Variants in PEPD observed in about 807,000 individuals in gnomAD.
PEPD encodes the protein xaa-Pro dipeptidase.
PEPD carries 53 observed loss-of-function variants against 60.7 expected under a neutral mutation model. The observed-to-expected ratio is 0.87, with a 90% CI of 0.70 to 1.10. The LOEUF is 1.10. Among genes scored for constraint, PEPD ranks in the 50% least tolerant of loss-of-function variants. PEPD has a pLI of 0.00. For missense variants in PEPD, 711 were observed against 711.9 expected (o/e 1.00, Z 0.01); for synonymous variants, 267 against 284.1 (o/e 0.94, Z 0.60).
chr19:33,484,415 G>C (rs1343129044), intron 6 of PEPD, among the ~76,000 whole-genome samples: 2 of 152,160 alleles, frequency 1.3e-5, no homozygotes, highest in Non-Finnish European at 2.9e-5. Context: ...CCAGCACAGA[G>C]TGACTCAGCA....
chr19:33,472,861 G>A (rs1426926935), intron 7 of PEPD, among the ~76,000 whole-genome samples: 2 of 152,108 alleles, frequency 1.3e-5, no homozygotes, highest in Non-Finnish European at 2.9e-5. Flanking sequence ...CACTGAACCC[G>A]CAACAACTAT....
chr19:33,492,708 C>T (rs1337136547), intron 5 of PEPD, among the ~76,000 whole-genome samples: 2 of 152,152 alleles, frequency 1.3e-5, no homozygotes, highest in African/African-American at 4.8e-5. Flanking sequence ...CAGCCTGACA[C>T]AAATACATCT....
At chr19:33,428,194 G>A (rs867085999) in intron 9 of PEPD, among the ~76,000 whole-genome samples, 4 of 152,148 alleles carry the variant, frequency 2.6e-5, no homozygotes, top group Admixed American at 6.5e-5. Context: ...TAGAAAATTC[G>A]CACAGTGCCA....
intron 13 of PEPD, 191 bp from the exon 14 acceptor site, chr19:33,388,272 C>A: frequency 1.4e-6 from 1 of 697,890 alleles, no homozygotes; most frequent in Non-Finnish European, 2.6e-6. Flanking sequence ...CCTGCACATA[C>A]CCCTGGATCT....
chr19:33,391,216 A>G (rs1968209638), intron 13 of PEPD, 79 bp downstream of exon 13: 8 of 1,178,308 alleles, frequency 6.8e-6, no homozygotes, highest in Non-Finnish European at 1.0e-5. Flanking sequence ...GCTGCCTCCT[A>G]GAGTCCCACC....
Position 33,457,844 on chromosome 19 carries a change from A to G in PEPD, c.671+5151T>C, listed in dbSNP as rs141601497. Reference sequence around the variant, plus strand: ...TTTCTAGTCTTAAAACAAGAAAACAAACAAACAAGCAAACAAAAAGAGAAA... The same window carrying G: ...TTTCTAGTCTTAAAACAAGAAAACAGACAAACAAGCAAACAAAAAGAGAAA... On this transcript the variant is annotated intron_variant, in intron 9 of 14. Transcript: ENST00000244137. 6.6e-3 allele frequency among the ~76,000 whole-genome samples: 862 copies of G among 130,064 alleles called. 9 individuals carry two copies. The highest frequency in any genetic ancestry group is 0.026 in the African/African-American group (822 of 31,636). The allele number at this position is 130,064 out of a possible 152,430, so 85.3% of individuals were successfully genotyped here.
At position 33,433,346 on chromosome 19, in the gene PEPD, A is replaced by G. The variant is rs186002005; in HGVS notation, c.672-19703T>C. ...TTCTCCCTGCCAAGGGGGCACGCCC[A>G]CTCCACAAACACACAAGGTACACCA... is the stretch of plus-strand genomic sequence containing the variant. On this transcript the variant is annotated intron_variant, in intron 9 of 14. Transcript: ENST00000244137. 3.1e-3 allele frequency among the ~76,000 whole-genome samples: 470 copies of G among 152,266 alleles called. 3 individuals carry two copies. Among genetic ancestry groups the G allele is most frequent in the African/African-American group, 9.9e-3 (412 of 41,560 alleles).
intron 9 of PEPD, among the ~76,000 whole-genome samples, chr19:33,458,118 G>A (rs1969844088): frequency 6.6e-6 from 1 of 152,012 alleles, no homozygotes; most frequent in Non-Finnish European, 1.5e-5. Context: ...TGTGTGTGGT[G>A]TGTAGCATAT....
At chr19:33,391,017 CTG>C (rs1471638370) in intron 13 of PEPD, among the ~76,000 whole-genome samples, 1 of 152,152 alleles carries the variant, frequency 6.6e-6, no homozygotes, top group African/African-American at 2.4e-5. Flanking sequence ...CGTATCCTGA[CTG>C]TGTGCCACCT....
intron 11 of PEPD, among the ~76,000 whole-genome samples, chr19:33,409,609 A>C (rs117602592): frequency 6.6e-6 from 1 of 152,192 alleles, no homozygotes; most frequent in Non-Finnish European, 1.5e-5. Flanking sequence ...TAGGAGTTTG[A>C]GGCTGCAGTG....
chr19:33,413,402 A>G (rs1437646750), intron 10 of PEPD, among the ~76,000 whole-genome samples, 173 bp downstream of exon 10: 1 of 152,132 alleles, frequency 6.6e-6, no homozygotes, highest in African/African-American at 2.4e-5. Context: ...AGGCCACCTC[A>G]GCTCCGGGAG....
intron 5 of PEPD, 35 bp from the exon 6 acceptor site, chr19:33,490,092 C>G: frequency 6.7e-7 from 1 of 1,503,512 alleles, no homozygotes; most frequent in Non-Finnish European, 9.2e-7. Context: ...ACACACGGGG[C>G]CGCATGGCGC....
At chr19:33,491,653 G>A (rs1011052431) in intron 5 of PEPD, among the ~76,000 whole-genome samples, 2 of 152,104 alleles carry the variant, frequency 1.3e-5, no homozygotes, top group African/African-American at 4.8e-5. Context: ...TGCCTGGAAC[G>A]GGACCCCACA....
At chr19:33,440,330 T>C (rs1252200767) in intron 9 of PEPD, among the ~76,000 whole-genome samples, 2 of 152,166 alleles carry the variant, frequency 1.3e-5, no homozygotes, top group Non-Finnish European at 2.9e-5. Flanking sequence ...TGAGTCCTGC[T>C]GGCTCTGCCT....
Position 33,490,044 on chromosome 19 carries a change from G to A in PEPD, c.455C>T (p.Thr152Met), listed in dbSNP as rs764150369. Residue 152 changes from threonine to methionine, a missense_variant, in exon 6 of 15, where the codon ACG becomes ATG. Coordinates refer to ENST00000244137, the MANE Select transcript of PEPD (RefSeq NM_000285.4). The part of the protein sequence containing the change: ...SVLLTLRGVN[T>M]DSGSVCREAS... ...CTCCCTGCAGACACTGCCGCTGTCC[G>A]TGTTGACGCCACGCTGGGGAGAGAG... 33 of 1,612,028 alleles carry A rather than the reference G, an allele frequency of 2.0e-5. No homozygotes were observed. Among genetic ancestry groups the A allele is most frequent in the Non-Finnish European group, 2.5e-5 (30 of 1,178,604 alleles).
At chr19:33,446,445 C>A (rs1342533413) in intron 9 of PEPD, among the ~76,000 whole-genome samples, 1 of 152,250 alleles carries the variant, frequency 6.6e-6, no homozygotes, top group Non-Finnish European at 1.5e-5. Flanking sequence ...GACCTAGACC[C>A]ACCCGGGCAC....
intron 7 of PEPD, among the ~76,000 whole-genome samples, chr19:33,467,293 T>C (rs1970039062): frequency 6.6e-6 from 1 of 151,926 alleles, no homozygotes; most frequent in African/African-American, 2.4e-5. Flanking sequence ...CCTGATACAT[T>C]CCTTAGTTCT....
At chr19:33,441,731 C>T (rs79035442) in intron 9 of PEPD, among the ~76,000 whole-genome samples, 1 of 152,330 alleles carries the variant, frequency 6.6e-6, no homozygotes, top group African/African-American at 2.4e-5. Context: ...GGATCTGAGC[C>T]CCTTCCCAGG....
chr19:33,411,847 G>A lies in PEPD; in HGVS notation c.741-98C>T, dbSNP rs981334846. ...CGATCCCCTGCCCATGAGCAGCACT[G>A]TCCCCACCTCCAGCACAGGCCCAGG... On this transcript the variant is annotated intron_variant, in intron 10 of 14. Transcript: ENST00000244137. The A allele has an allele frequency of 6.5e-6, 5 of 763,386 alleles. No individual in the cohort carries two copies. The South Asian group carries it at 7.3e-5, about 11-fold the overall frequency. The allele number at this position is 763,386 out of a possible 1,614,324, so 47.3% of individuals were successfully genotyped here.
Sources: allele counts gnomAD v4.1 joint callset (sites outside exome capture counted in the v4.1 genomes callset), GRCh38; gene constraint gnomAD v4.1.1; transcripts MANE v1.5; gene names NCBI Gene and HGNC (gene_info 2026-07-23, HGNC 2026-07-21).